The following NR2C2 variants were observed in gnomAD, a reference collection of about 807,000 sequenced individuals.
The protein encoded by NR2C2 is nuclear receptor subfamily 2 group C member 2.
Under a neutral mutation model 62.9 loss-of-function variants are expected in NR2C2, and 6 were observed. The ratio of observed to expected loss-of-function variants is 0.10; its 90% CI spans 0.05 to 0.19. The LOEUF (loss-of-function observed/expected upper bound fraction) is 0.19, where lower values mean the gene tolerates loss of function less well. Among genes scored for constraint, NR2C2 ranks in the 10% least tolerant of loss-of-function variants. NR2C2 has a pLI of 1.00. For missense variants in NR2C2, 479 were observed against 762.7 expected (o/e 0.63, Z 4.38); for synonymous variants, 272 against 273.8 (o/e 0.99, Z 0.07).
rs2042481499 is a variant in NR2C2 at position 15,047,060 on chromosome 3, A to G, written c.*4052A>G. Reference sequence around the variant, plus strand: ...AGGCTGTAAGACTGAATGAATGTACATGTGTTTATATCCTCTCCATATGTA... The same window carrying G: ...AGGCTGTAAGACTGAATGAATGTACGTGTGTTTATATCCTCTCCATATGTA... On this transcript the variant is annotated 3_prime_UTR_variant, in exon 14 of 14. Transcript: ENST00000425241. 1 of 152,650 alleles carries G rather than the reference A, an allele frequency of 6.6e-6. No individual in the cohort carries two copies. Among genetic ancestry groups the G allele is most frequent in the Admixed American group, 6.5e-5 (1 of 15,284 alleles). 9.5% of individuals were successfully genotyped at this position (152,650 alleles called of 1,614,324 possible).
intron 1 of NR2C2, among the ~76,000 whole-genome samples, chr3:14,975,532 A>G (rs2040179355): frequency 1.3e-5 from 2 of 152,106 alleles, no homozygotes; most frequent in African/African-American, 4.8e-5. Context: ...CAGTTTTCAT[A>G]TGTTGAACCA....
At chr3:15,033,656 T>TG (rs2042034920) in intron 10 of NR2C2, among the ~76,000 whole-genome samples, 1 of 150,298 alleles carries the variant, frequency 6.7e-6, no homozygotes, top group Admixed American at 6.6e-5. Flanking sequence ...TTTTTTTTTT[T>TG]TTTTTTTTAA....
At position 15,038,146 on chromosome 3, in the gene NR2C2, T is replaced by C. The variant is rs574219404; in HGVS notation, c.1510+9T>C. 6.9e-6 allele frequency: 11 copies of C among 1,604,616 alleles called. No individual in the cohort carries two copies. Among genetic ancestry groups the C allele is most frequent in the Middle Eastern group, 1.7e-4 (1 of 6,028 alleles). On this transcript the variant is annotated intron_variant, in intron 12 of 13. Transcript: ENST00000425241. Reference sequence around the variant, plus strand: ...AGTTCTCTTTAGCCCCGGTAAGATATGCGGTGGGGATGCATGACCCCTTTC... The same window carrying C: ...AGTTCTCTTTAGCCCCGGTAAGATACGCGGTGGGGATGCATGACCCCTTTC...
intron 1 of NR2C2, among the ~76,000 whole-genome samples, chr3:14,967,817 C>T (rs926528680): frequency 1.3e-5 from 2 of 152,014 alleles, no homozygotes; most frequent in Non-Finnish European, 2.9e-5. Flanking sequence ...AGAACAGAGC[C>T]CTCAGAAATA....
intron 1 of NR2C2, among the ~76,000 whole-genome samples, chr3:14,984,625 A>G (rs78030123): frequency 1.3e-5 from 2 of 152,216 alleles, no homozygotes; most frequent in Non-Finnish European, 2.9e-5. Context: ...ATTGTTGCAT[A>G]TATCAGTATT....
intron 1 of NR2C2, among the ~76,000 whole-genome samples, chr3:14,997,559 C>A (rs959232842): frequency 2.0e-5 from 3 of 152,150 alleles, no homozygotes; most frequent in African/African-American, 7.2e-5. Flanking sequence ...GGAGACATAC[C>A]TTGCAGGATC....
intron 3 of NR2C2, among the ~76,000 whole-genome samples, chr3:15,014,461 TTGTG>T (rs2041447542): frequency 6.7e-6 from 1 of 149,744 alleles, no homozygotes; most frequent in Admixed American, 6.7e-5. Context: ...TTCGTCAGGG[TTGTG>T]TTTCATTTTT....
chr3:14,983,651 G>A (rs1463235782), intron 1 of NR2C2, among the ~76,000 whole-genome samples: 1 of 152,080 alleles, frequency 6.6e-6, no homozygotes. Context: ...TATAAAATGA[G>A]AATTATTTGG....
intron 9 of NR2C2, 148 bp downstream of exon 9, chr3:15,030,600 C>T (rs1435521065): frequency 5.8e-6 from 4 of 689,110 alleles, no homozygotes; most frequent in African/African-American, 1.9e-5. Flanking sequence ...GGCCAAGGCA[C>T]GTGGATCACT....
intron 1 of NR2C2, among the ~76,000 whole-genome samples, chr3:14,985,055 G>T (rs138074276): frequency 2.8e-4 from 42 of 152,186 alleles, no homozygotes; most frequent in African/African-American, 9.9e-4. Flanking sequence ...ATCTTTTCAT[G>T]TGATTATTTG....
chr3:15,041,386 C>T (rs537673903), intron 13 of NR2C2, among the ~76,000 whole-genome samples: 18 of 152,128 alleles, frequency 1.2e-4, no homozygotes, highest in Non-Finnish European at 2.5e-4. Flanking sequence ...CCTTCGTGTG[C>T]CCTGCAAGAT....
At chr3:15,025,981 T>C (rs1429618582) in intron 7 of NR2C2, 3 of 152,340 alleles carry the variant, frequency 2.0e-5, no homozygotes, top group Non-Finnish European at 4.4e-5. Context: ...TGTGTACATA[T>C]CTTGGTTTGA....
At chr3:15,024,303 A>G in intron 7 of NR2C2, 95 bp downstream of exon 7, 1 of 776,684 alleles carries the variant, frequency 1.3e-6, no homozygotes, top group East Asian at 2.6e-5. Context: ...TGGCCTTCAG[A>G]GACCACATCA....
intron 13 of NR2C2, among the ~76,000 whole-genome samples, chr3:15,042,110 A>G (rs1259107226): frequency 6.6e-6 from 1 of 152,160 alleles, no homozygotes; most frequent in South Asian, 2.1e-4. Flanking sequence ...GTCCTGGCAC[A>G]TGCTCCACTT....
In NR2C2 at chr3:15,032,349, C is replaced by A. The variant is rs769084368; in HGVS notation, c.1111-30C>A. 7 of 1,614,156 alleles carry A rather than the reference C, an allele frequency of 4.3e-6. 1 individual carries two copies. The South Asian group carries it at 6.6e-5, about 15-fold the overall frequency. On this transcript the variant is annotated intron_variant, in intron 9 of 13. Coordinates refer to ENST00000425241, the MANE Select transcript of NR2C2 (RefSeq NM_001291694.2). ...AAGCCATCCCCTGTCCTTCCTTCAC[C>A]TCCTGTGCCATGTGCCTCCTCTTTT...
chr3:14,975,388 C>T (rs2040174680), intron 1 of NR2C2, among the ~76,000 whole-genome samples: 1 of 151,854 alleles, frequency 6.6e-6, no homozygotes, highest in African/African-American at 2.4e-5. Context: ...AGGTAATTTC[C>T]TTCTATTCCT....
chr3:15,007,125 T>A (rs1559287269), intron 2 of NR2C2, among the ~76,000 whole-genome samples: 1 of 143,214 alleles, frequency 7.0e-6, no homozygotes, highest in Non-Finnish European at 1.5e-5. Context: ...TTCCCTGACC[T>A]CTCTTTTTTT....
At chr3:15,001,841 C>T (rs1217021079) in intron 1 of NR2C2, among the ~76,000 whole-genome samples, 1 of 152,094 alleles carries the variant, frequency 6.6e-6, no homozygotes, top group African/African-American at 2.4e-5. Context: ...TGGTCTTAAA[C>T]TCCTGACCTC....
intron 1 of NR2C2, among the ~76,000 whole-genome samples, chr3:14,992,903 G>A (rs1408520435): frequency 6.6e-6 from 1 of 152,162 alleles, no homozygotes; most frequent in Non-Finnish European, 1.5e-5. Flanking sequence ...CCCTAACCAA[G>A]GTATAACACA....
Sources: gnomAD v4.1 joint callset for allele counts (sites outside exome capture counted in the v4.1 genomes callset) on GRCh38, gnomAD v4.1.1 for gene constraint, MANE v1.5 for transcripts, NCBI Gene and HGNC (gene_info 2026-07-23, HGNC 2026-07-21) for gene names.